Variants in CRK observed in about 807,000 individuals in gnomAD.
CRK encodes adapter molecule crk.
A neutral mutation model predicts 29.8 loss-of-function variants in CRK; 4 were observed. The observed-to-expected ratio is 0.13, with a 90% CI of 0.07 to 0.31. The LOEUF is 0.31. CRK is among the 10% of genes least tolerant of loss of function. The pLI is 1.00. For missense variants in CRK, 274 were observed against 396.5 expected, an observed-to-expected ratio of 0.69 and a Z score of 2.62; for synonymous variants, 153 against 164.9, an observed-to-expected ratio of 0.93 and a Z score of 0.55.
chr17:1,435,037 C>T (rs188785837), intron 2 of CRK, among the ~76,000 whole-genome samples: 133 of 152,168 alleles, frequency 8.7e-4, no homozygotes, highest in African/African-American at 2.7e-3. Flanking sequence ...TCTCCTGGGT[C>T]AGCTGGCTTG....
intron 1 of CRK, among the ~76,000 whole-genome samples, chr17:1,442,279 T>TA (rs2073941185): frequency 6.6e-6 from 1 of 151,812 alleles, no homozygotes; most frequent in Non-Finnish European, 1.5e-5. Context: ...CTCAGCCTCC[T>TA]GAGCAACTGG....
chr17:1,455,912 G>A lies in CRK; in HGVS notation c.206C>T (p.Pro69Leu), dbSNP rs2150917295. The change falls in exon 1 of 3, where the codon CCG becomes CTG. Residue 69 changes from proline to leucine, a missense_variant. Pro to Leu is a moderately conservative substitution (Grantham distance 98). Around this residue, in one of 3 missense-constraint regions of CRK, gnomAD observed 135 missense variants for 180.9 expected, o/e 0.75. Transcript: ENST00000300574. ...HYIINSSGPR[P>L]PVPPSPAQPP... is the part of the protein sequence containing the mutation. Reference sequence around the variant, plus strand: ...CTGGGCGGGCGACGGTGGCACCGGCGGGCGCGGGCCGCTGCTGTTGATGAT... The same window carrying A: ...CTGGGCGGGCGACGGTGGCACCGGCAGGCGCGGGCCGCTGCTGTTGATGAT... 1 of 1,581,206 alleles carries A rather than the reference G, an allele frequency of 6.3e-7. No individual in the cohort carries two copies. The highest frequency in any genetic ancestry group is 1.1e-5 in the South Asian group (1 of 88,280).
intron 2 of CRK, among the ~76,000 whole-genome samples, chr17:1,433,290 C>T (rs1432606696): frequency 6.6e-6 from 1 of 152,170 alleles, no homozygotes; most frequent in Non-Finnish European, 1.5e-5. Context: ...TACTACCAAC[C>T]AGCAGCACAT....
At chr17:1,441,156 G>C (rs767791643) in intron 1 of CRK, among the ~76,000 whole-genome samples, 30 of 152,072 alleles carry the variant, frequency 2.0e-4, no homozygotes, top group Non-Finnish European at 3.7e-4. Flanking sequence ...TCGAATTCCT[G>C]AGCTCAAGTT....
At chr17:1,431,305 G>A (rs2073843101) in intron 2 of CRK, among the ~76,000 whole-genome samples, 1 of 152,132 alleles carries the variant, frequency 6.6e-6, no homozygotes, top group Non-Finnish European at 1.5e-5. Context: ...AGGGGGTGGG[G>A]CATTCTAAGA....
intron 2 of CRK, among the ~76,000 whole-genome samples, chr17:1,433,044 A>C (rs917796624): frequency 2.4e-4 from 36 of 152,326 alleles, no homozygotes; most frequent in Middle Eastern, 3.4e-3. Context: ...GAACGTAACA[A>C]ACACTGGCTA....
rs557572259 is a variant in CRK at position 1,427,209 on chromosome 17, T to C, written c.778-3559A>G. On this transcript the variant is annotated intron_variant, in intron 2 of 2. Coordinates refer to ENST00000300574, the MANE Select transcript of CRK (RefSeq NM_016823.4). Reference sequence around the variant, plus strand: ...AGGAGGCTGAGGCAGGAGGATCACTTGAGCCTGGGAGTTTGAGCTGTAGCA... The same window carrying C: ...AGGAGGCTGAGGCAGGAGGATCACTCGAGCCTGGGAGTTTGAGCTGTAGCA... Among the ~76,000 whole-genome samples, 8 of 149,330 alleles carry C rather than the reference T, an allele frequency of 5.4e-5. No individual in the cohort carries two copies. The East Asian group carries it at 1.4e-3, about 26-fold the overall frequency.
chr17:1,453,727 C>T (rs1489718980), intron 1 of CRK, among the ~76,000 whole-genome samples: 2 of 151,124 alleles, frequency 1.3e-5, no homozygotes, highest in Non-Finnish European at 3.0e-5. Flanking sequence ...GTCAACTTGG[C>T]GAAACCCCAA....
chr17:1,452,510 G>T (rs1598306775), intron 1 of CRK, among the ~76,000 whole-genome samples: 1 of 152,174 alleles, frequency 6.6e-6, no homozygotes, highest in Non-Finnish European at 1.5e-5. Context: ...AGACAGGCCA[G>T]GCGCTGGTGG....
At chr17:1,423,931 T>C (rs1389565268) in intron 2 of CRK, among the ~76,000 whole-genome samples, 2 of 152,206 alleles carry the variant, frequency 1.3e-5, no homozygotes, top group Non-Finnish European at 2.9e-5. Context: ...AAGTGATAAT[T>C]ATTGGAAATC....
At chr17:1,446,831 G>A (rs1290261596) in intron 1 of CRK, among the ~76,000 whole-genome samples, 1 of 151,618 alleles carries the variant, frequency 6.6e-6, no homozygotes, top group Non-Finnish European at 1.5e-5. Flanking sequence ...CTGACCTCGT[G>A]ATCCGCCCGC....
intron 2 of CRK, among the ~76,000 whole-genome samples, chr17:1,427,006 T>C (rs1265618669): frequency 1.9e-5 from 2 of 107,520 alleles, no homozygotes; most frequent in African/African-American, 3.6e-5. Context: ...CACTCCAGCC[T>C]GGGCGACAGA....
At chr17:1,444,498 C>T (rs2073958330) in intron 1 of CRK, among the ~76,000 whole-genome samples, 1 of 149,178 alleles carries the variant, frequency 6.7e-6, no homozygotes, top group South Asian at 2.1e-4. Context: ...GCCCTCCAGC[C>T]TGGGTAACAG....
chr17:1,442,517 T>C (rs2073942968), intron 1 of CRK, among the ~76,000 whole-genome samples: 1 of 151,892 alleles, frequency 6.6e-6, no homozygotes, highest in South Asian at 2.1e-4. Flanking sequence ...CAGCCTATTA[T>C]TAATTTTAAT....
intron 1 of CRK, among the ~76,000 whole-genome samples, chr17:1,455,305 G>A (rs943761198): frequency 6.6e-6 from 1 of 152,262 alleles, no homozygotes; most frequent in East Asian, 1.9e-4. Context: ...CACGGGGGAA[G>A]AGAACGGTAC....
At chr17:1,450,659 G>C (rs184224403) in intron 1 of CRK, among the ~76,000 whole-genome samples, 2 of 151,966 alleles carry the variant, frequency 1.3e-5, no homozygotes, top group African/African-American at 4.8e-5. Flanking sequence ...CGAGGCGAGC[G>C]GATCACTTGA....
In CRK at chr17:1,420,934, T is replaced by C. The variant is rs1443963342; in HGVS notation, c.*2579A>G. 6.6e-6 allele frequency: 1 copy of C among 152,178 alleles called. No homozygotes were observed. The highest frequency in any genetic ancestry group is 1.5e-5 in the Non-Finnish European group (1 of 68,034). The allele number at this position is 152,178 out of a possible 1,614,324, so 9.4% of individuals were successfully genotyped here. ...TTGTGGATAATTAAAAATTATCTATTTGCATTATTAACAATAAACAATTCC... is the reference window on the plus strand; with the variant it reads ...TTGTGGATAATTAAAAATTATCTATCTGCATTATTAACAATAAACAATTCC... On this transcript the variant is annotated 3_prime_UTR_variant, in exon 3 of 3. Transcript: ENST00000300574.
Position 1,422,843 on chromosome 17 carries a change from T to C in CRK, c.*670A>G. ...TGCTCGGTACATCCTGCTTTTCACC[T>C]GGAATGAAAATACACACTTATCTTA... On this transcript the variant is annotated 3_prime_UTR_variant, in exon 3 of 3. Coordinates refer to ENST00000300574, the MANE Select transcript of CRK (RefSeq NM_016823.4). 2.5e-6 allele frequency: 1 copy of C among 398,250 alleles called. No homozygotes were observed. Among genetic ancestry groups the C allele is most frequent in the Non-Finnish European group, 4.4e-6 (1 of 226,072 alleles). 24.7% of individuals were successfully genotyped at this position (398,250 alleles called of 1,614,324 possible).
At chr17:1,424,788 T>C (rs2073761829) in intron 2 of CRK, 1 of 152,104 alleles carries the variant, frequency 6.6e-6, no homozygotes, top group Non-Finnish European at 1.5e-5. Context: ...CACAGGTGGA[T>C]GGATTGCTTC....
Sources: gnomAD v4.1 joint callset for allele counts (sites outside exome capture counted in the v4.1 genomes callset) on GRCh38, gnomAD v4.1.1 for gene constraint, gnomAD v4.1.1 regional missense constraint, MANE v1.5 for transcripts, NCBI Gene and HGNC (gene_info 2026-07-23, HGNC 2026-07-21) for gene names.